The following CMTM8 variants were observed in gnomAD, a reference collection of about 807,000 sequenced individuals.
CMTM8 encodes CKLF like MARVEL transmembrane domain containing 8.
In CMTM8, 12 loss-of-function variants were observed where a neutral mutation model predicts 18.6. The ratio of observed to expected loss-of-function variants is 0.65; its 90% confidence interval spans 0.41 to 1.05. CMTM8 has a LOEUF of 1.05. Ranked by LOEUF, CMTM8 falls within the 50% of genes least tolerant of loss-of-function variation. CMTM8 has a pLI of 0.00. For synonymous variants in CMTM8, 87 were observed against 90.6 expected (o/e 0.96, Z 0.23); for missense variants, 217 against 227.2 (o/e 0.95, Z 0.29).
intron 1 of CMTM8, among the ~76,000 whole-genome samples, chr3:32,347,828 C>T (rs544062869): frequency 1.3e-5 from 2 of 152,086 alleles, no homozygotes; most frequent in Non-Finnish European, 2.9e-5. Context: ...CAGCTTCAAT[C>T]GATAAAAAGA....
intron 1 of CMTM8, among the ~76,000 whole-genome samples, chr3:32,332,977 G>T (rs147004031): frequency 2.0e-5 from 3 of 152,310 alleles, no homozygotes; most frequent in Non-Finnish European, 2.9e-5. Context: ...AAACAAGAAG[G>T]TTTGGAATGT....
chr3:32,312,761 G>T (rs1409749896), intron 1 of CMTM8, among the ~76,000 whole-genome samples: 1 of 151,494 alleles, frequency 6.6e-6, no homozygotes, highest in Non-Finnish European at 1.5e-5. Context: ...CACATGATTT[G>T]TGCCCCCTAG....
chr3:32,275,804 C>G (rs1180128800), intron 1 of CMTM8, among the ~76,000 whole-genome samples: 1 of 152,002 alleles, frequency 6.6e-6, no homozygotes. Context: ...TGTGCATCAC[C>G]ATGCCTGGCT....
intron 2 of CMTM8, among the ~76,000 whole-genome samples, chr3:32,361,286 G>GTTTGTTTTTTTTTTGTTTT (rs140270969): frequency 1.3e-4 from 11 of 87,268 alleles, no homozygotes; most frequent in East Asian, 1.1e-3. Flanking sequence ...CAGCCTAAGA[G>GTTTGTTTTTTTTTTGTTTT]TTTTTTTTTC....
chr3:32,341,816 G>A (rs1374452041), intron 1 of CMTM8, among the ~76,000 whole-genome samples: 1 of 152,128 alleles, frequency 6.6e-6, no homozygotes, highest in East Asian at 1.9e-4. Flanking sequence ...GTCGGAGGTT[G>A]CAGTGAGCCA....
intron 1 of CMTM8, among the ~76,000 whole-genome samples, chr3:32,244,531 T>C (rs532210354): frequency 1.3e-5 from 2 of 152,386 alleles, no homozygotes; most frequent in Admixed American, 6.5e-5. Flanking sequence ...TTCTCAGTTC[T>C]TTCTAAAACT....
intron 1 of CMTM8, among the ~76,000 whole-genome samples, chr3:32,346,305 C>G (rs1696594319): frequency 6.6e-6 from 1 of 152,222 alleles, no homozygotes. Context: ...CCGGCTTTAC[C>G]CGTATCTATA....
intron 2 of CMTM8, among the ~76,000 whole-genome samples, chr3:32,362,041 C>CTTTTTTTTTTTT (rs1696941813): frequency 2.1e-3 from 25 of 11,672 alleles, no homozygotes; most frequent in Non-Finnish European, 6.0e-3. Context: ...CTACTATTTT[C>CTTTTTTTTTTTT]TTTTCTTTTT....
At chr3:32,268,164 A>T (rs1241013404) in intron 1 of CMTM8, among the ~76,000 whole-genome samples, 1 of 152,220 alleles carries the variant, frequency 6.6e-6, no homozygotes, top group Non-Finnish European at 1.5e-5. Context: ...TTGCAGCACT[A>T]TTCACAGTAG....
At chr3:32,268,985 A>G (rs1181013250) in intron 1 of CMTM8, among the ~76,000 whole-genome samples, 85 of 152,236 alleles carry the variant, frequency 5.6e-4, no homozygotes, top group Non-Finnish European at 8.8e-5. Context: ...TAGGACAGAA[A>G]TCTTTAAATT....
chr3:32,254,371 CATCTTGTTATAAGTACATCTTCTATATGT>C (rs1261570516), intron 1 of CMTM8, among the ~76,000 whole-genome samples: 1 of 152,110 alleles, frequency 6.6e-6, no homozygotes, highest in Non-Finnish European at 1.5e-5. Context: ...CTTTCCTTGT[CATCTTGTTATAAGTACATCTTCTATATGT>C]ATCATATAGT....
Position 32,370,028 on chromosome 3 carries a change from T to G in CMTM8, c.*61T>G. On this transcript the variant is annotated 3_prime_UTR_variant, in exon 4 of 4. Transcript: ENST00000307526. The stretch of plus-strand genomic sequence containing the variant: ...AAGACTCTCACTGTAAAAACAGCTG[T>G]AGGTATAATGTATATTCCCAGAGAA... The G allele has an allele frequency of 2.2e-6, 2 of 907,316 alleles. No individual in the cohort carries two copies. Among genetic ancestry groups the G allele is most frequent in the Non-Finnish European group, 3.5e-6 (2 of 574,256 alleles). The allele number at this position is 907,316 out of a possible 1,614,324, so 56.2% of individuals were successfully genotyped here.
At chr3:32,284,832 G>A in intron 1 of CMTM8, among the ~76,000 whole-genome samples, 1 of 152,200 alleles carries the variant, frequency 6.6e-6, no homozygotes, top group East Asian at 1.9e-4. Context: ...TATTTTGAGA[G>A]TTCTCTCATG....
Position 32,264,133 on chromosome 3 carries a change from C to G in CMTM8, c.147+25014C>G, listed in dbSNP as rs898394755. ...AGATACTCCTTGAGAAGAGCAACTC[C>G]AAGACACATAATTGTCAGATTCACC... On this transcript the variant is annotated intron_variant, in intron 1 of 3. Coordinates refer to ENST00000307526, the MANE Select transcript of CMTM8 (RefSeq NM_178868.5). Among the ~76,000 whole-genome samples the G allele has an allele frequency of 2.0e-5, 3 of 152,076 alleles. No homozygotes were observed. The East Asian group carries it at 5.8e-4, about 29-fold the overall frequency.
intron 1 of CMTM8, among the ~76,000 whole-genome samples, chr3:32,336,658 G>A (rs574056667): frequency 3.3e-5 from 5 of 152,302 alleles, no homozygotes; most frequent in South Asian, 2.1e-4. Flanking sequence ...TTCAATAAAC[G>A]TCTCTCTCCC....
intron 1 of CMTM8, among the ~76,000 whole-genome samples, chr3:32,275,424 G>A (rs1476113492): frequency 6.6e-6 from 1 of 152,154 alleles, no homozygotes; most frequent in African/African-American, 2.4e-5. Flanking sequence ...TAAAGCATCT[G>A]TAAAATATGT....
rs184292037 is a variant in CMTM8 at position 32,343,127 on chromosome 3, C to T, written c.148-14246C>T. Among the ~76,000 whole-genome samples, 150 of 152,324 alleles carry T rather than the reference C, an allele frequency of 9.8e-4. 3 individuals carry two copies. The highest frequency in any genetic ancestry group is 3.5e-4 in the Non-Finnish European group (24 of 68,034). Reference sequence around the variant, plus strand: ...AAGACTATGGGATAAATAAAAGTAGCACCAGATTGGAAGATGCCGCTGAAC... The same window carrying T: ...AAGACTATGGGATAAATAAAAGTAGTACCAGATTGGAAGATGCCGCTGAAC... On this transcript the variant is annotated intron_variant, in intron 1 of 3. Transcript: ENST00000307526.
At position 32,247,936 on chromosome 3, in the gene CMTM8, C is replaced by G. The variant is rs755342654; in HGVS notation, c.147+8817C>G. 3.3e-4 allele frequency among the ~76,000 whole-genome samples: 50 copies of G among 152,172 alleles called. 1 individual carries two copies. The highest frequency in any genetic ancestry group is 6.6e-4 in the Non-Finnish European group (45 of 68,038). ...TTACTTTCTATCTTTATGAATTTGC[C>G]TATTCTGGACATTTCACATAAATGG... On this transcript the variant is annotated intron_variant, in intron 1 of 3. Transcript: ENST00000307526.
At chr3:32,291,415 C>T (rs1206125545) in intron 1 of CMTM8, among the ~76,000 whole-genome samples, 4 of 152,202 alleles carry the variant, frequency 2.6e-5, no homozygotes, top group Admixed American at 2.6e-4. Context: ...GCTGGGATTA[C>T]AGGCGTGAGC....
Sources: gnomAD v4.1 joint callset for allele counts (sites outside exome capture counted in the v4.1 genomes callset) on GRCh38, gnomAD v4.1.1 for gene constraint, MANE v1.5 for transcripts, NCBI Gene and HGNC (gene_info 2026-07-23, HGNC 2026-07-21) for gene names.